Variants in NUMA1 observed in about 807,000 individuals in gnomAD.
NUMA1 encodes the protein nuclear mitotic apparatus protein 1.
NUMA1 carries 62 observed loss-of-function variants against 237.1 expected under a neutral mutation model. The observed-to-expected ratio is 0.26, with a 90% confidence interval of 0.21 to 0.32. The LOEUF (loss-of-function observed/expected upper bound fraction) is 0.32. Ranked by LOEUF, NUMA1 falls within the 10% of genes least tolerant of loss-of-function variation. The pLI is 1.00. For missense variants in NUMA1, 2,533 were observed against 2,666.5 expected, an observed-to-expected ratio of 0.95 and a Z score of 1.10; for synonymous variants, 1,028 against 1,066.1, an observed-to-expected ratio of 0.96 and a Z score of 0.70.
chr11:72,063,008 T>C lies in NUMA1; in HGVS notation c.-33+6834A>G, dbSNP rs533264189. Among the ~76,000 whole-genome samples, 72 of 151,266 alleles carry C rather than the reference T, an allele frequency of 4.8e-4. 1 individual carries two copies. Among genetic ancestry groups the C allele is most frequent in the African/African-American group, 1.7e-3 (68 of 41,116 alleles). On this transcript the variant is annotated intron_variant, in intron 2 of 26. Coordinates refer to ENST00000393695, the MANE Select transcript of NUMA1 (RefSeq NM_006185.4). Reference sequence around the variant, plus strand: ...CACTTGAACCTGGAACAGGTGGAGGTTGCAGTGAGCTGAGATTGTGCCATT... The same window carrying C: ...CACTTGAACCTGGAACAGGTGGAGGCTGCAGTGAGCTGAGATTGTGCCATT...
intron 2 of NUMA1, chr11:72,067,677 A>G (rs1183606433): frequency 6.6e-6 from 1 of 152,216 alleles, no homozygotes; most frequent in Non-Finnish European, 1.5e-5. Flanking sequence ...TAGAATAGAC[A>G]TTTCCCTACC....
intron 4 of NUMA1, among the ~76,000 whole-genome samples, chr11:72,025,181 C>A (rs1056410217): frequency 6.6e-6 from 1 of 152,188 alleles, no homozygotes; most frequent in Non-Finnish European, 1.5e-5. Context: ...GGAGCCACTG[C>A]GCCCAGCTAG....
At chr11:72,004,159 G>C (rs1471809572) in intron 25 of NUMA1, 60 bp from the exon 26 acceptor site, 1 of 1,602,718 alleles carries the variant, frequency 6.2e-7, no homozygotes, top group African/African-American at 1.3e-5. Flanking sequence ...CCAGCGTGCT[G>C]TGCCACGCTC....
At position 72,003,418 on chromosome 11, in the gene NUMA1, T is replaced by A. The variant is rs1378261733; in HGVS notation, c.*109A>T. 3.7e-6 allele frequency: 4 copies of A among 1,090,322 alleles called. No individual in the cohort carries two copies. The highest frequency in any genetic ancestry group is 5.7e-6 in the Non-Finnish European group (4 of 703,798). 67.5% of individuals were successfully genotyped at this position (1,090,322 alleles called of 1,614,324 possible). ...GCATCACTGTCTCTAGGGGTTTGGCTACTGTTGGCCTGGGAGCTGAGAGAA... is the reference window on the plus strand; with the variant it reads ...GCATCACTGTCTCTAGGGGTTTGGCAACTGTTGGCCTGGGAGCTGAGAGAA... On this transcript the variant is annotated 3_prime_UTR_variant, in exon 27 of 27. Coordinates refer to ENST00000393695, the MANE Select transcript of NUMA1 (RefSeq NM_006185.4).
At chr11:72,062,034 G>A (rs145950201) in intron 2 of NUMA1, among the ~76,000 whole-genome samples, 1 of 152,244 alleles carries the variant, frequency 6.6e-6, no homozygotes, top group Non-Finnish European at 1.5e-5. Context: ...ACTGCTGAGA[G>A]CTAGGGCCCC....
intron 2 of NUMA1, among the ~76,000 whole-genome samples, chr11:72,049,924 C>A (rs1416969888): frequency 6.6e-6 from 1 of 151,980 alleles, no homozygotes. Context: ...AACTTGTCTC[C>A]TCAGAATCTG....
At chr11:72,011,433 C>A (rs1956155393) in intron 16 of NUMA1, among the ~76,000 whole-genome samples, 1 of 152,158 alleles carries the variant, frequency 6.6e-6, no homozygotes, top group Non-Finnish European at 1.5e-5. Flanking sequence ...AAAGCCCACC[C>A]CACTCCTACA....
intron 4 of NUMA1, among the ~76,000 whole-genome samples, chr11:72,028,733 C>T (rs1364301152): frequency 6.6e-6 from 1 of 152,230 alleles, no homozygotes; most frequent in Non-Finnish European, 1.5e-5. Flanking sequence ...AGAGGCATAT[C>T]TGTACTGTGC....
intron 2 of NUMA1, chr11:72,040,487 C>T (rs1213897108): frequency 3.3e-5 from 5 of 152,414 alleles, no homozygotes; most frequent in East Asian, 4.2e-4. Flanking sequence ...CACACACACA[C>T]ACACACACAC....
intron 2 of NUMA1, among the ~76,000 whole-genome samples, chr11:72,062,051 T>C (rs371374822): frequency 9.9e-4 from 150 of 152,246 alleles, no homozygotes; most frequent in African/African-American, 3.4e-3. Flanking sequence ...CCCCTGACCA[T>C]TGTGGGAAAG....
At chr11:72,071,766 T>C (rs671681) in intron 1 of NUMA1, among the ~76,000 whole-genome samples, 134,873 of 152,218 alleles carry the variant, frequency 0.89, 60,042 homozygotes, top group Non-Finnish European at 0.95. Context: ...AAATGAAGGA[T>C]AAATAGACAG....
chr11:72,053,915 T>C (rs1381125331), intron 2 of NUMA1, among the ~76,000 whole-genome samples: 1 of 152,216 alleles, frequency 6.6e-6, no homozygotes, highest in Non-Finnish European at 1.5e-5. Flanking sequence ...TACATTGCAT[T>C]ATATAAGTAA....
chr11:72,009,665 T>C (rs1590877924), intron 17 of NUMA1, among the ~76,000 whole-genome samples: 1 of 152,308 alleles, frequency 6.6e-6, no homozygotes, highest in Middle Eastern at 3.4e-3. Flanking sequence ...CACACCCTCT[T>C]TGCATGCACA....
At position 72,014,481 on chromosome 11, in the gene NUMA1, G is replaced by T; in HGVS notation, c.3022C>A (p.Arg1008=). The change falls in exon 15 of 27, where the codon CGG becomes AGG. Residue 1008 remains arginine (R), a synonymous_variant. Transcript: ENST00000393695. This position sits in a 1 kb window ranked among gnomAD's most constrained non-coding sequence, Gnocchi z 4.6. Reference sequence around the variant, plus strand: ...GCACGGCCCCGCTCCTGGGTCAGCCGCGCCACCTCCCTTTCCTGCTGCCCA... The same window carrying T: ...GCACGGCCCCGCTCCTGGGTCAGCCTCGCCACCTCCCTTTCCTGCTGCCCA... ...ERGQQEREVA[R]LTQERGRAQA... The T allele has an allele frequency of 1.2e-6, 2 of 1,602,482 alleles. No homozygotes were observed.
chr11:72,016,414 G>A lies in NUMA1; in HGVS notation c.1236C>T (p.Val412=). The A allele has an allele frequency of 6.2e-7, 1 of 1,613,968 alleles. No homozygotes were observed. The highest frequency in any genetic ancestry group is 1.3e-5 in the African/African-American group (1 of 75,036). The change falls in exon 14 of 27, where the codon GTC becomes GTT. Residue 412 remains valine (V), a synonymous_variant. Coordinates refer to ENST00000393695, the MANE Select transcript of NUMA1 (RefSeq NM_006185.4). The stretch of plus-strand genomic sequence containing the variant: ...TCTTTCTGTGCATTCCTACCTGCAA[G>A]ACATCACCCAGCACCTCGCCCTTCT... The part of the protein sequence containing the change: ...PQEKGEVLGD[V]LQLETLKQEA...
At chr11:72,006,352 G>A (rs914661169) in intron 21 of NUMA1, 89 bp from the exon 22 acceptor site, 51 of 1,103,676 alleles carry the variant, frequency 4.6e-5, no homozygotes, top group South Asian at 4.3e-4. Context: ...CAGATCCCAC[G>A]GCACATCCAT....
At chr11:72,009,529 ACT>A (rs1430812588) in intron 17 of NUMA1, 142 bp from the exon 18 acceptor site, 11 of 1,092,908 alleles carry the variant, frequency 1.0e-5, no homozygotes, top group African/African-American at 1.6e-5. Context: ...CACCCCAAAT[ACT>A]CTCTGCCCGA....
At chr11:72,007,633 A>G in intron 20 of NUMA1, 198 bp from the exon 21 acceptor site, 1 of 652,232 alleles carries the variant, frequency 1.5e-6, no homozygotes, top group Non-Finnish European at 2.7e-6. Flanking sequence ...GCTTCTCCTA[A>G]TAGCTCCTCA....
chr11:72,045,588 C>T (rs1349760321), intron 2 of NUMA1, among the ~76,000 whole-genome samples: 1 of 152,186 alleles, frequency 6.6e-6, no homozygotes, highest in Non-Finnish European at 1.5e-5. Flanking sequence ...AAACAATCCT[C>T]CCACCTCAGC....
Sources: allele counts gnomAD v4.1 joint callset (sites outside exome capture counted in the v4.1 genomes callset), GRCh38; gene constraint gnomAD v4.1.1; non-coding constraint Gnocchi (gnomAD v3.1); transcripts MANE v1.5; gene names NCBI Gene and HGNC (gene_info 2026-07-23, HGNC 2026-07-21).